Variants in TTC13 observed in about 807,000 individuals in gnomAD.
TTC13 encodes the protein tetratricopeptide repeat domain 13.
TTC13 carries 62 observed loss-of-function variants against 120.0 expected under a neutral mutation model. That is an observed-to-expected ratio of 0.52 (90% CI 0.42 to 0.64). The LOEUF (loss-of-function observed/expected upper bound fraction) is 0.64. TTC13 is among the 30% of genes least tolerant of loss of function. The probability of loss-of-function intolerance (pLI) is 0.00; values close to 1 mark genes in which losing one functional copy is unlikely to be tolerated. For synonymous variants in TTC13, 384 were observed against 393.5 expected, an observed-to-expected ratio of 0.98 and a Z score of 0.28; for missense variants, 824 against 1,050.2, an observed-to-expected ratio of 0.78 and a Z score of 2.98.
chr1:230,932,681 T>C (rs548409193), intron 9 of TTC13, among the ~76,000 whole-genome samples: 4 of 152,352 alleles, frequency 2.6e-5, no homozygotes, highest in South Asian at 4.1e-4. Context: ...GAAGCACAAA[T>C]ATCATCCCTT....
intron 1 of TTC13, among the ~76,000 whole-genome samples, chr1:230,963,161 G>A (rs914579741): frequency 2.6e-5 from 4 of 152,148 alleles, no homozygotes; most frequent in African/African-American, 9.7e-5. Context: ...ATCTGAGGGA[G>A]AGAATAAATT....
chr1:230,932,876 G>C (rs1447360839), intron 9 of TTC13, among the ~76,000 whole-genome samples: 1 of 152,186 alleles, frequency 6.6e-6, no homozygotes, highest in Non-Finnish European at 1.5e-5. Flanking sequence ...GAAGCTCAGG[G>C]AAGTTAAGCA....
chr1:230,937,664 C>T (rs1270673985), intron 8 of TTC13, among the ~76,000 whole-genome samples: 1 of 152,176 alleles, frequency 6.6e-6, no homozygotes, highest in African/African-American at 2.4e-5. Context: ...TGCAAAATTC[C>T]TTTTGGTTTG....
chr1:230,909,189 T>A (rs1424314430), intron 20 of TTC13, among the ~76,000 whole-genome samples, 169 bp from the exon 21 acceptor site: 1 of 152,232 alleles, frequency 6.6e-6, no homozygotes, highest in Non-Finnish European at 1.5e-5. Context: ...TGTTTAAGAA[T>A]AGTTACTAAT....
rs778937241 is a variant in TTC13 at position 230,912,710 on chromosome 1, C to T, written c.2142G>A (p.Arg714=). 4 of 1,612,344 alleles carry T rather than the reference C, an allele frequency of 2.5e-6. No homozygotes were observed. The Admixed American group carries it at 5.0e-5, about 20-fold the overall frequency. ...CTATTTCAGCATGATATAATTGTGTCCTTTCTTCCGTGGTTTGAGTTTCCA... is the reference window on the plus strand; with the variant it reads ...CTATTTCAGCATGATATAATTGTGTTCTTTCTTCCGTGGTTTGAGTTTCCA... ...FSVETQTTEE[R]TQLYHAEIDA... The change falls in exon 19 of 23, where the codon AGG becomes AGA. Residue 714 remains arginine, a synonymous_variant. Transcript: ENST00000366661.
At chr1:230,975,468 G>T (rs1310491602) in intron 1 of TTC13, among the ~76,000 whole-genome samples, 1 of 152,060 alleles carries the variant, frequency 6.6e-6, no homozygotes, top group Non-Finnish European at 1.5e-5. Context: ...AAAAAGTGAG[G>T]AAAGAATTGG....
intron 11 of TTC13, 142 bp from the exon 12 acceptor site, chr1:230,929,235 T>G (rs1673319140): frequency 6.0e-6 from 5 of 834,984 alleles, no homozygotes; most frequent in Middle Eastern, 3.5e-4. Flanking sequence ...AGTAAGTCAC[T>G]ATTAGTATAT....
chr1:230,956,986 C>T (rs1278166853), intron 3 of TTC13, among the ~76,000 whole-genome samples: 2 of 152,124 alleles, frequency 1.3e-5, no homozygotes, highest in Non-Finnish European at 2.9e-5. Context: ...AGGGCCTACA[C>T]TACCCCAGGG....
intron 3 of TTC13, among the ~76,000 whole-genome samples, chr1:230,955,539 C>G (rs1294327803): frequency 6.6e-6 from 1 of 150,550 alleles, no homozygotes; most frequent in Non-Finnish European, 1.5e-5. Flanking sequence ...GGCGTGGTGG[C>G]GGGTGCCTGT....
At position 230,906,690 on chromosome 1, in the gene TTC13, C is replaced by A; in HGVS notation, c.*215G>T. On this transcript the variant is annotated 3_prime_UTR_variant, in exon 23 of 23. Coordinates refer to ENST00000366661, the MANE Select transcript of TTC13 (RefSeq NM_024525.5). ...GCTGCCGGCTAATACATACGCTTTC[C>A]CTCCAAGTCAAGTAGCTTTTTCCCC... 3.5e-6 allele frequency: 1 copy of A among 289,256 alleles called. No homozygotes were observed. The highest frequency in any genetic ancestry group is 6.4e-6 in the Non-Finnish European group (1 of 155,666). 17.9% of individuals were successfully genotyped at this position (289,256 alleles called of 1,614,324 possible).
intron 7 of TTC13, among the ~76,000 whole-genome samples, chr1:230,939,964 C>T (rs1674396103): frequency 6.6e-6 from 1 of 152,196 alleles, no homozygotes; most frequent in Non-Finnish European, 1.5e-5. Flanking sequence ...ATAAATGCCA[C>T]TCTGATGATA....
rs1343300811 is a variant in TTC13, at chr1:230,978,762, G to A, written c.69C>T (p.Ala23=). Residue 23 remains alanine, a synonymous_variant, in exon 1 of 23, where the codon GCC becomes GCT. Transcript: ENST00000366661. This position sits in a 1 kb window ranked among gnomAD's most constrained non-coding sequence, Gnocchi z 5.6. ...WGGAVAAAGA[A]RRVLLLLLLG... is the part of the protein sequence containing the mutation. ...GCAGCAGCAGCAGCAGGACACGCCG[G>A]GCGGCGCCCGCGGCGGCCACAGCGC... 2 of 1,500,038 alleles carry A rather than the reference G, an allele frequency of 1.3e-6. No homozygotes were observed. The highest frequency in any genetic ancestry group is 5.4e-5 in the East Asian group (2 of 36,886). 92.9% of individuals were successfully genotyped at this position (1,500,038 alleles called of 1,614,324 possible).
chr1:230,931,549 A>G (rs1363671302), intron 10 of TTC13, 77 bp from the exon 11 acceptor site: 7 of 1,547,494 alleles, frequency 4.5e-6, no homozygotes, highest in Non-Finnish European at 6.2e-6. Flanking sequence ...CTCTGGAATT[A>G]GTTTTCCCTC....
chr1:230,924,737 G>T, intron 14 of TTC13, 104 bp downstream of exon 14: 1 of 1,340,382 alleles, frequency 7.5e-7, no homozygotes, highest in Non-Finnish European at 1.0e-6. Flanking sequence ...GGAAGGCCTG[G>T]TGTTAGCAAG....
chr1:230,948,531 C>T (rs1675231574), intron 4 of TTC13, among the ~76,000 whole-genome samples: 1 of 151,198 alleles, frequency 6.6e-6, no homozygotes, highest in African/African-American at 2.4e-5. Context: ...CTCACTCTGT[C>T]ACCCATGCTA....
intron 1 of TTC13, among the ~76,000 whole-genome samples, chr1:230,977,878 C>T (rs938032014): frequency 1.3e-5 from 2 of 152,222 alleles, no homozygotes; most frequent in African/African-American, 4.8e-5. Context: ...AATGAGCTGG[C>T]GTAGCTCCAA....
chr1:230,932,401 TCCAGGA>T (rs1428310601), intron 9 of TTC13, among the ~76,000 whole-genome samples: 1 of 152,102 alleles, frequency 6.6e-6, no homozygotes, highest in Admixed American at 6.6e-5. Context: ...TTGTAACCAT[TCCAGGA>T]TGGAAATGGT....
intron 17 of TTC13, among the ~76,000 whole-genome samples, chr1:230,918,985 C>T (rs1267812427): frequency 1.3e-5 from 2 of 152,176 alleles, no homozygotes; most frequent in Non-Finnish European, 2.9e-5. Flanking sequence ...GGCAGTTTTA[C>T]TCCTAGATGG....
intron 1 of TTC13, among the ~76,000 whole-genome samples, chr1:230,977,070 T>C (rs1046354084): frequency 6.6e-6 from 1 of 152,202 alleles, no homozygotes; most frequent in Non-Finnish European, 1.5e-5. Context: ...CCCGACTTCA[T>C]GGGTTCCTCC....
Sources: gnomAD v4.1 joint callset for allele counts (sites outside exome capture counted in the v4.1 genomes callset) on GRCh38, gnomAD v4.1.1 for gene constraint, Gnocchi (gnomAD v3.1) non-coding constraint, MANE v1.5 for transcripts, NCBI Gene and HGNC (gene_info 2026-07-23, HGNC 2026-07-21) for gene names.